The following USP42 variants were observed in gnomAD, a reference collection of about 807,000 sequenced individuals.
USP42 encodes ubiquitin carboxyl-terminal hydrolase 42.
In USP42, 23 loss-of-function variants were observed where a neutral mutation model predicts 113.0. That is an observed-to-expected ratio of 0.20 (90% CI 0.15 to 0.29). The LOEUF is 0.29. USP42 is among the 10% of genes least tolerant of loss of function. The pLI, the probability that USP42 is intolerant of heterozygous loss-of-function variation, is 1.00. For missense variants in USP42, 2,174 were observed against 1,779.8 expected (o/e 1.22, Z -3.99); for synonymous variants, 933 against 699.0 (o/e 1.33, Z -5.28).
chr7:6,141,505 A>G (rs1006629965), intron 7 of USP42, among the ~76,000 whole-genome samples: 1 of 151,494 alleles, frequency 6.6e-6, no homozygotes, highest in African/African-American at 2.4e-5. Flanking sequence ...CTGAATTTTC[A>G]TTTAATATCT....
chr7:6,116,749 T>G (rs766415030), intron 3 of USP42: 1 of 532,578 alleles, frequency 1.9e-6, no homozygotes, highest in Non-Finnish European at 3.8e-6. Flanking sequence ...GTGTTTGTTA[T>G]GCCAGAATTA....
chr7:6,102,598 A>C (rs1428124838), upstream of USP42, among the ~76,000 whole-genome samples: 4 of 150,606 alleles, frequency 2.7e-5, no homozygotes, highest in East Asian at 7.8e-4. Context: ...GTCTCTAAAA[A>C]AATAAAGATT....
intron 4 of USP42, among the ~76,000 whole-genome samples, chr7:6,137,402 A>G (rs1377992549): frequency 6.6e-6 from 1 of 152,370 alleles, no homozygotes; most frequent in African/African-American, 2.4e-5. Context: ...TCTGTCCCCA[A>G]GCCTGGAGTG....
intron 11 of USP42, among the ~76,000 whole-genome samples, chr7:6,147,153 A>G (rs1397254971): frequency 6.6e-6 from 1 of 152,238 alleles, no homozygotes; most frequent in Admixed American, 6.5e-5. Flanking sequence ...GGGCTGAAGC[A>G]CAGATGATGA....
chr7:6,142,908 T>C, intron 7 of USP42, 24 bp from the exon 8 acceptor site: 1 of 1,612,340 alleles, frequency 6.2e-7, no homozygotes, highest in Non-Finnish European at 8.5e-7. Context: ...GGTGATGTGG[T>C]GTTTGTGCCT....
rs1235867050 is a variant in USP42 at position 6,156,956 on chromosome 7, G to A, written c.3844G>A (p.Gly1282Ser). ...CCAGGGTGGCTTTCCTCTCTCTGGTGGCCCGCCTCTGGAAGGCGTCGGACC... is the reference window on the plus strand; with the variant it reads ...CCAGGGTGGCTTTCCTCTCTCTGGTAGCCCGCCTCTGGAAGGCGTCGGACC... The part of the protein sequence containing the change: ...RAQGGFPLSG[G>S]PPLEGVGPFR... The change falls in exon 16 of 18, where the codon GGC becomes AGC. Residue 1282 changes from glycine to serine, a missense_variant. Coordinates refer to ENST00000306177, the MANE Select transcript of USP42 (RefSeq NM_032172.3). 6.2e-7 allele frequency: 1 copy of A among 1,613,696 alleles called. No homozygotes were observed. The highest frequency in any genetic ancestry group is 8.5e-7 in the Non-Finnish European group (1 of 1,179,838).
At chr7:6,151,525 C>T (rs919441254) in intron 14 of USP42, among the ~76,000 whole-genome samples, 5 of 152,202 alleles carry the variant, frequency 3.3e-5, no homozygotes, top group African/African-American at 1.2e-4. Context: ...GCAGCCTCCG[C>T]CTCCCAAGTT....
In USP42 at chr7:6,157,053, A is replaced by G. The variant is rs1292665593; in HGVS notation, c.3941A>G (p.Gln1314Arg). Residue 1314 changes from glutamine to arginine, a missense_variant and splice_region_variant, in exon 16 of 18, where the codon CAG becomes CGG. By Grantham distance (43) the Gln-to-Arg change is conservative. Transcript: ENST00000306177. This position sits in a 1 kb window ranked among gnomAD's most constrained non-coding sequence, Gnocchi z 4.1. The stretch of plus-strand genomic sequence containing the variant: ...AGGTGTCGTCTCTTTGAGTATGGCC[A>G]GGGTAAGAGGAGATACTTGGAATTA... ...DDRCRLFEYG[Q>R]GD The G allele has an allele frequency of 6.3e-7, 1 of 1,581,066 alleles. No individual in the cohort carries two copies. The highest frequency in any genetic ancestry group is 1.4e-5 in the African/African-American group (1 of 73,098).
chr7:6,131,529 C>T lies in USP42; in HGVS notation c.443-4312C>T, dbSNP rs1010981192. Among the ~76,000 whole-genome samples the T allele has an allele frequency of 4.6e-5, 7 of 152,180 alleles. No homozygotes were observed. The South Asian group carries it at 1.5e-3, about 32-fold the overall frequency. ...CATAATATACAGAAAAAAATACACACAGAAGCTGAAGTAGAGCAATGATTT... is the reference window on the plus strand; with the variant it reads ...CATAATATACAGAAAAAAATACACATAGAAGCTGAAGTAGAGCAATGATTT... On this transcript the variant is annotated intron_variant, in intron 3 of 17. Transcript: ENST00000306177.
Position 6,132,832 on chromosome 7 carries a change from C to T in USP42, c.443-3009C>T, listed in dbSNP as rs552541106. On this transcript the variant is annotated intron_variant, in intron 3 of 17. Transcript: ENST00000306177. ...GACCACAGGTGCGTGCCACCACACC[C>T]GGCTAATTTTTTTGTATTTTTAGTA... Among the ~76,000 whole-genome samples the T allele has an allele frequency of 1.1e-4, 16 of 152,224 alleles. No homozygotes were observed. In the South Asian group the frequency reaches 2.3e-3, roughly 22 times the overall value.
intron 1 of USP42, among the ~76,000 whole-genome samples, chr7:6,109,651 C>T (rs978103287): frequency 2.0e-5 from 3 of 151,400 alleles, no homozygotes; most frequent in African/African-American, 7.3e-5. Flanking sequence ...ACTTTGGCCT[C>T]CCAAAGTGCT....
At chr7:6,085,825 G>T in the USP42 span, among the ~76,000 whole-genome samples, 4 of 149,750 alleles carry the variant, frequency 2.7e-5, no homozygotes, top group African/African-American at 1.0e-4. Flanking sequence ...ATGTTGGCCA[G>T]GCTGGTTTTG....
intron 17 of USP42, among the ~76,000 whole-genome samples, chr7:6,160,028 G>A (rs1324297630): frequency 6.6e-6 from 1 of 152,238 alleles, no homozygotes; most frequent in Non-Finnish European, 1.5e-5. Context: ...TCGGAGCTGT[G>A]GGGCTTTGTT....
At chr7:6,126,574 T>C (rs1296995771) in intron 3 of USP42, among the ~76,000 whole-genome samples, 1 of 152,236 alleles carries the variant, frequency 6.6e-6, no homozygotes, top group African/African-American at 2.4e-5. Flanking sequence ...CATGAGCCAC[T>C]GTGCCGGCCT....
chr7:6,155,181 A>G lies in USP42; in HGVS notation c.3627A>G (p.Arg1209=), dbSNP rs1782370995. Residue 1209 remains arginine, a synonymous_variant, in exon 15 of 18, where the codon CGA becomes CGG. Transcript: ENST00000306177. ...KKKKKSKDKH[R]DRDSRHQQDS... ...AAAAGAAATCCAAAGACAAACACCG[A>G]GACCGCGACTCCAGGTGAGCCTGGG... 2.0e-6 allele frequency: 3 copies of G among 1,533,122 alleles called. No homozygotes were observed. Among genetic ancestry groups the G allele is most frequent in the African/African-American group, 2.8e-5 (2 of 71,816 alleles). 95.0% of individuals were successfully genotyped at this position (1,533,122 alleles called of 1,614,324 possible).
chr7:6,118,390 T>C (rs1416463346), intron 3 of USP42, among the ~76,000 whole-genome samples: 1 of 152,106 alleles, frequency 6.6e-6, no homozygotes, highest in Non-Finnish European at 1.5e-5. Flanking sequence ...GGCTTGGCGG[T>C]GTGCGCCTAT....
chr7:6,140,149 C>A lies in USP42; in HGVS notation c.678C>A (p.Ala226=). 6.2e-7 allele frequency: 1 copy of A among 1,613,972 alleles called. No individual in the cohort carries two copies. The part of the protein sequence containing the change: ...GSNKLDRHTQ[A]TTLVCQIFGG... ...TCAGATTAGACAGACACACCCAGGC[C>A]ACCACTCTTGTTTGTCAGATATTTG... Residue 226 remains alanine (A), a synonymous_variant, in exon 6 of 18, where the codon GCC becomes GCA. Coordinates refer to ENST00000306177, the MANE Select transcript of USP42 (RefSeq NM_032172.3).
At chr7:6,140,042 T>G in intron 5 of USP42, 86 bp from the exon 6 acceptor site, 3 of 1,202,488 alleles carry the variant, frequency 2.5e-6, no homozygotes, top group African/African-American at 1.5e-5. Context: ...TGATCTTTTG[T>G]GAGCTCCCAT....
chr7:6,155,761 AT>A (rs563478754), intron 15 of USP42, among the ~76,000 whole-genome samples: 15 of 151,968 alleles, frequency 9.9e-5, no homozygotes, highest in Non-Finnish European at 1.9e-4. Flanking sequence ...TTGCTTCTGT[AT>A]TTTTTAAGAG....
Sources: gnomAD v4.1 joint callset for allele counts (sites outside exome capture counted in the v4.1 genomes callset) on GRCh38, gnomAD v4.1.1 for gene constraint, Gnocchi (gnomAD v3.1) non-coding constraint, MANE v1.5 for transcripts, NCBI Gene and HGNC (gene_info 2026-07-23, HGNC 2026-07-21) for gene names.